NADSYN1: variants seen among roughly 807,000 people sequenced by gnomAD.
NADSYN1 encodes glutamine-dependent NAD(+) synthetase.
In NADSYN1, 80 loss-of-function variants were observed where a neutral mutation model predicts 99.3. The observed-to-expected ratio is 0.81, with a 90% CI of 0.67 to 0.97. The LOEUF (loss-of-function observed/expected upper bound fraction) is 0.97, where lower values mean the gene tolerates loss of function less well. NADSYN1 is among the 50% of genes least tolerant of loss of function. NADSYN1 has a pLI of 0.00. For synonymous variants in NADSYN1, 385 were observed against 372.1 expected (o/e 1.03, Z -0.40); for missense variants, 859 against 948.5 (o/e 0.91, Z 1.24).
chr11:71,462,857 C>T (rs899071642), intron 3 of NADSYN1, among the ~76,000 whole-genome samples: 5 of 152,278 alleles, frequency 3.3e-5, no homozygotes, highest in African/African-American at 7.2e-5. Context: ...AACCTCCTGT[C>T]GGGTCACTCT....
chr11:71,468,709 G>A (rs1949609216), intron 5 of NADSYN1, among the ~76,000 whole-genome samples: 1 of 152,136 alleles, frequency 6.6e-6, no homozygotes, highest in Admixed American at 6.6e-5. Flanking sequence ...AAAGACAGAG[G>A]TCATTATTCT....
Position 71,497,578 on chromosome 11 carries a change from C to T in NADSYN1, c.1860C>T (p.Leu620=), listed in dbSNP as rs140975612. The T allele has an allele frequency of 5.8e-4, 939 of 1,614,152 alleles. 1 individual carries two copies. Among genetic ancestry groups the T allele is most frequent in the African/African-American group, 5.5e-3 (410 of 75,040 alleles). The change falls in exon 19 of 21, where the codon CTC becomes CTT. Residue 620 remains leucine, a synonymous_variant. Transcript: ENST00000319023. Reference sequence around the variant, plus strand: ...CCTACAGCATGTTCTGCAAACTCCTCGGCATGTGGAGACACATCTGCACCC... The same window carrying T: ...CCTACAGCATGTTCTGCAAACTCCTTGGCATGTGGAGACACATCTGCACCC... ...MGPYSMFCKL[L]GMWRHICTPR...
intron 18 of NADSYN1, among the ~76,000 whole-genome samples, chr11:71,492,936 G>C (rs926473318): frequency 2.0e-5 from 3 of 150,006 alleles, no homozygotes; most frequent in African/African-American, 7.4e-5. Context: ...GCCCAGGCTG[G>C]AGTTGCAGTG....
chr11:71,478,447 AG>A lies in NADSYN1; in HGVS notation c.852del (p.Ile285PhefsTer17). On this transcript the variant is annotated frameshift_variant, in exon 10 of 21. Transcript: ENST00000319023. LOFTEE classifies it high-confidence loss of function. ...GAGGACGTCCGGAGCTACAGGGCGG[AG>A]ATTTCATCTCGAAACCTGGCGGTGA... ...DLEDVRSYRA[E>X]ISSRNLAASR... 1 of 1,608,566 alleles carries A rather than the reference AG, an allele frequency of 6.2e-7. No homozygotes were observed. Among genetic ancestry groups the A allele is most frequent in the Non-Finnish European group, 8.5e-7 (1 of 1,177,626 alleles).
intron 5 of NADSYN1, among the ~76,000 whole-genome samples, chr11:71,470,949 C>T (rs925029491): frequency 1.3e-5 from 2 of 152,132 alleles, no homozygotes; most frequent in African/African-American, 4.8e-5. Context: ...CTGCAGTGCT[C>T]TTCACAGGGC....
chr11:71,500,688 T>C (rs924596709), intron 20 of NADSYN1, among the ~76,000 whole-genome samples: 10 of 152,116 alleles, frequency 6.6e-5, no homozygotes, highest in African/African-American at 1.9e-4. Flanking sequence ...AAGAGTGACT[T>C]AGAGGGTGGA....
intron 19 of NADSYN1, among the ~76,000 whole-genome samples, 184 bp from the exon 20 acceptor site, chr11:71,498,168 C>T (rs747183074): frequency 3.9e-5 from 6 of 152,190 alleles, no homozygotes; most frequent in East Asian, 1.9e-4. Context: ...AGGGGGACCC[C>T]GGTTTCATAG....
intron 3 of NADSYN1, chr11:71,459,633 CT>C (rs1484595604): frequency 1.2e-4 from 19 of 152,778 alleles, no homozygotes; most frequent in African/African-American, 4.3e-4. Flanking sequence ...TTGCCATCCC[CT>C]GTCACTGAAC....
At chr11:71,481,443 T>C (rs755133830) in intron 12 of NADSYN1, 39 bp downstream of exon 12, 6 of 1,604,046 alleles carry the variant, frequency 3.7e-6, no homozygotes, top group Non-Finnish European at 5.1e-6. Flanking sequence ...CTTTGCTTGT[T>C]CTGCTGGTTG....
At chr11:71,455,613 A>G (rs907747112) in intron 2 of NADSYN1, among the ~76,000 whole-genome samples, 3 of 152,220 alleles carry the variant, frequency 2.0e-5, no homozygotes, top group Non-Finnish European at 4.4e-5. Flanking sequence ...GAGAGGCCCA[A>G]AGGAGCTTGT....
At chr11:71,482,311 G>A (rs1215085811) in intron 13 of NADSYN1, among the ~76,000 whole-genome samples, 4 of 152,220 alleles carry the variant, frequency 2.6e-5, no homozygotes, top group Admixed American at 6.5e-5. Context: ...CACAGGCGTC[G>A]GAGGTTCACA....
Position 71,482,779 on chromosome 11 carries a change from C to G in NADSYN1, c.1151-70C>G, listed in dbSNP as rs1161326024. The G allele has an allele frequency of 5.2e-6, 8 of 1,539,736 alleles. No homozygotes were observed. The Admixed American group carries it at 1.3e-4, about 25-fold the overall frequency. On this transcript the variant is annotated intron_variant, in intron 13 of 20. Coordinates refer to ENST00000319023, the MANE Select transcript of NADSYN1 (RefSeq NM_018161.5). ...CGCATGGGCACCTGGGGGTGTAGAC[C>G]GGGGTGGAACTATGTAAACATCCCA...
chr11:71,465,311 G>A (rs1296918735), intron 5 of NADSYN1, among the ~76,000 whole-genome samples: 1 of 152,134 alleles, frequency 6.6e-6, no homozygotes, highest in African/African-American at 2.4e-5. Context: ...TTCCTTATCT[G>A]ATCAGGCCTC....
At chr11:71,487,796 A>G (rs143882993) in intron 16 of NADSYN1, among the ~76,000 whole-genome samples, 3,462 of 142,578 alleles carry the variant, frequency 0.024, 119 homozygotes, top group African/African-American at 0.084. Flanking sequence ...GCGCCACTGC[A>G]CTCCAGCCTG....
At chr11:71,500,886 G>T (rs550791977) in intron 20 of NADSYN1, among the ~76,000 whole-genome samples, 4 of 152,174 alleles carry the variant, frequency 2.6e-5, no homozygotes, top group Non-Finnish European at 5.9e-5. Flanking sequence ...CCAAGCCTCG[G>T]GTGATGGGCC....
At chr11:71,488,521 GA>G (rs1225992565) in intron 16 of NADSYN1, among the ~76,000 whole-genome samples, 21 of 152,264 alleles carry the variant, frequency 1.4e-4, no homozygotes, top group African/African-American at 5.1e-4. Flanking sequence ...AGCTGTTTTG[GA>G]AAGTGTGCGG....
At chr11:71,488,328 A>C (rs939772700) in intron 16 of NADSYN1, among the ~76,000 whole-genome samples, 1 of 150,578 alleles carries the variant, frequency 6.6e-6, no homozygotes, top group East Asian at 2.0e-4. Context: ...GAGAGCTGGG[A>C]GTTTGTAAGC....
chr11:71,481,482 G>GT, intron 12 of NADSYN1, 78 bp downstream of exon 12: 23 of 1,336,174 alleles, frequency 1.7e-5, no homozygotes, highest in Non-Finnish European at 2.3e-5. Flanking sequence ...GCAGGGTAGG[G>GT]ATTTTTTTTT....
chr11:71,497,698 G>C, intron 19 of NADSYN1, 87 bp downstream of exon 19: 1 of 1,529,234 alleles, frequency 6.5e-7, no homozygotes, highest in Non-Finnish European at 9.0e-7. Flanking sequence ...GGAACAAGTA[G>C]ATAACAGTGT....
Sources: allele counts gnomAD v4.1 joint callset (sites outside exome capture counted in the v4.1 genomes callset), GRCh38; gene constraint gnomAD v4.1.1; transcripts MANE v1.5; gene names NCBI Gene and HGNC (gene_info 2026-07-23, HGNC 2026-07-21).